PTPRD: variants seen among roughly 807,000 people sequenced by gnomAD.
The protein encoded by PTPRD is receptor-type tyrosine-protein phosphatase delta.
Under a neutral mutation model 214.5 loss-of-function variants are expected in PTPRD, and 34 were observed. That is an observed-to-expected ratio of 0.16 (90% confidence interval 0.12 to 0.21). PTPRD has a LOEUF of 0.21. PTPRD is among the 10% of genes least tolerant of loss of function. The probability of loss-of-function intolerance (pLI) is 1.00; values close to 1 mark genes in which losing one functional copy is unlikely to be tolerated. For missense variants in PTPRD, 2,545 were observed against 2,398.7 expected (o/e 1.06, Z -1.27); for synonymous variants, 1,128 against 845.7 (o/e 1.33, Z -5.79).
intron 4 of PTPRD, among the ~76,000 whole-genome samples, chr9:9,947,087 TA>T: frequency 6.6e-6 from 1 of 150,444 alleles, no homozygotes; most frequent in Non-Finnish European, 1.5e-5. Context: ...GATCTTTTTA[TA>T]AAAAATAACT....
intron 7 of PTPRD, among the ~76,000 whole-genome samples, chr9:9,683,252 T>G (rs1458510810): frequency 6.6e-5 from 10 of 151,754 alleles, no homozygotes; most frequent in Admixed American, 6.6e-4. Flanking sequence ...GAAGTATTAG[T>G]GGTTCCCAAT....
chr9:9,981,695 T>A (rs1378815986), intron 4 of PTPRD, among the ~76,000 whole-genome samples: 2 of 152,110 alleles, frequency 1.3e-5, no homozygotes, highest in African/African-American at 4.8e-5. Context: ...TGCAAGCGCA[T>A]TAAATTGGGT....
intron 10 of PTPRD, among the ~76,000 whole-genome samples, chr9:9,036,142 A>T (rs1530474): frequency 0.45 from 67,934 of 151,260 alleles, 15,905 homozygotes; most frequent in East Asian, 0.65. Context: ...GTCTTGCTTC[A>T]ATAATCATAA....
chr9:8,618,924 T>TTTTTG (rs2095712435), intron 14 of PTPRD, among the ~76,000 whole-genome samples: 1 of 143,308 alleles, frequency 7.0e-6, no homozygotes, highest in Non-Finnish European at 1.5e-5. Context: ...GTTTTTTTTT[T>TTTTTG]TTTTTTTTTT....
chr9:8,351,008 A>G (rs911738743), intron 39 of PTPRD, among the ~76,000 whole-genome samples: 1 of 152,184 alleles, frequency 6.6e-6, no homozygotes, highest in Non-Finnish European at 1.5e-5. Flanking sequence ...GCACAAAGAG[A>G]GTAGAAAGAG....
intron 9 of PTPRD, among the ~76,000 whole-genome samples, chr9:9,244,847 G>A (rs530434576): frequency 4.6e-5 from 7 of 152,144 alleles, no homozygotes; most frequent in African/African-American, 1.7e-4. Context: ...GAGTGAACAG[G>A]CAACCTACAG....
intron 6 of PTPRD, among the ~76,000 whole-genome samples, chr9:9,752,133 C>T (rs954885371): frequency 3.3e-5 from 5 of 151,816 alleles, no homozygotes; most frequent in African/African-American, 1.2e-4. Context: ...TGTTTCAATC[C>T]CCTGTAAATG....
intron 11 of PTPRD, among the ~76,000 whole-genome samples, chr9:8,956,367 G>C (rs1275952831): frequency 6.6e-6 from 1 of 151,856 alleles, no homozygotes; most frequent in Non-Finnish European, 1.5e-5. Flanking sequence ...CATTATTCAT[G>C]TTTAATACAC....
chr9:10,199,300 A>G (rs1295095235), intron 3 of PTPRD, among the ~76,000 whole-genome samples: 1 of 152,080 alleles, frequency 6.6e-6, no homozygotes, highest in Admixed American at 6.6e-5. Flanking sequence ...GACAATTCTC[A>G]CTGAGAAATC....
At chr9:8,735,804 C>T (rs1019713221) in intron 11 of PTPRD, among the ~76,000 whole-genome samples, 5 of 150,306 alleles carry the variant, frequency 3.3e-5, no homozygotes, top group East Asian at 2.0e-4. Context: ...CCCAGCTACT[C>T]GGGACGCTGA....
intron 20 of PTPRD, 85 bp from the exon 21 acceptor site, chr9:8,518,514 C>G: frequency 1.0e-6 from 1 of 984,202 alleles, no homozygotes; most frequent in Non-Finnish European, 1.5e-6. Context: ...ATGAAAATGA[C>G]AGGATTATGT....
chr9:9,874,550 A>T (rs1319125794), intron 5 of PTPRD, among the ~76,000 whole-genome samples: 2 of 152,210 alleles, frequency 1.3e-5, no homozygotes, highest in Non-Finnish European at 1.5e-5. Flanking sequence ...TAGATTTAGC[A>T]AAATGTATTT....
rs1042201882 is a variant in PTPRD at position 8,710,030 on chromosome 9, T to C, written c.64+23750A>G. 2.0e-5 allele frequency among the ~76,000 whole-genome samples: 3 copies of C among 152,206 alleles called. No individual in the cohort carries two copies. The South Asian group carries it at 6.2e-4, about 32-fold the overall frequency. Reference sequence around the variant, plus strand: ...CCCCTCCAAACTACAATTTACCCTATCTTAAAGTCTAGGCTAATAAGGGTT... The same window carrying C: ...CCCCTCCAAACTACAATTTACCCTACCTTAAAGTCTAGGCTAATAAGGGTT... On this transcript the variant is annotated intron_variant, in intron 12 of 45. Transcript: ENST00000381196.
intron 33 of PTPRD, chr9:8,454,606 T>C (rs1483701132): frequency 1.2e-6 from 2 of 1,612,368 alleles, no homozygotes; most frequent in African/African-American, 2.7e-5. Flanking sequence ...TCCATTTTAA[T>C]GCAGCAAAAA....
intron 9 of PTPRD, among the ~76,000 whole-genome samples, chr9:9,366,288 G>A (rs533143229): frequency 1.2e-3 from 182 of 151,560 alleles, no homozygotes; most frequent in African/African-American, 4.2e-3. Flanking sequence ...TTTTGGTGAG[G>A]ATTTACGAGA....
intron 3 of PTPRD, among the ~76,000 whole-genome samples, chr9:10,335,290 T>C (rs561113340): frequency 5.3e-5 from 8 of 151,786 alleles, no homozygotes; most frequent in African/African-American, 9.6e-5. Context: ...CACATAAACA[T>C]AGTCAACTGA....
At chr9:8,930,097 C>T (rs1367314454) in intron 11 of PTPRD, among the ~76,000 whole-genome samples, 2 of 151,434 alleles carry the variant, frequency 1.3e-5, no homozygotes, top group Admixed American at 6.6e-5. Context: ...TCTCCTAATG[C>T]TATCCCTCCC....
intron 39 of PTPRD, among the ~76,000 whole-genome samples, chr9:8,345,815 T>C (rs1272345244): frequency 1.3e-5 from 2 of 152,076 alleles, no homozygotes; most frequent in African/African-American, 2.4e-5. Flanking sequence ...TGTTTCGTTT[T>C]GTTTTTTTTA....
chr9:10,138,457 C>T (rs1479634871), intron 3 of PTPRD, among the ~76,000 whole-genome samples: 6 of 151,934 alleles, frequency 3.9e-5, no homozygotes, highest in Non-Finnish European at 8.8e-5. Context: ...AAGTCCAGGA[C>T]CAGATGGATT....
Sources: gnomAD v4.1 joint callset for allele counts (sites outside exome capture counted in the v4.1 genomes callset) on GRCh38, gnomAD v4.1.1 for gene constraint, MANE v1.5 for transcripts, NCBI Gene and HGNC (gene_info 2026-07-23, HGNC 2026-07-21) for gene names.